TENM2: variants seen among roughly 807,000 people sequenced by gnomAD.
The protein encoded by TENM2 is teneurin transmembrane protein 2.
Under a neutral mutation model 245.2 loss-of-function variants are expected in TENM2, and 52 were observed. That is an observed-to-expected ratio of 0.21 (90% confidence interval 0.17 to 0.27). The LOEUF (loss-of-function observed/expected upper bound fraction) is 0.27, where lower values mean the gene tolerates loss of function less well. Among genes scored for constraint, TENM2 ranks in the 10% least tolerant of loss-of-function variants. The probability of loss-of-function intolerance (pLI) is 1.00; values close to 1 mark genes in which losing one functional copy is unlikely to be tolerated. For synonymous variants in TENM2, 1,363 were observed against 1,438.9 expected, an observed-to-expected ratio of 0.95 and a Z score of 1.19; for missense variants, 3,046 against 3,666.8, an observed-to-expected ratio of 0.83 and a Z score of 4.37.
intron 1 of TENM2, among the ~76,000 whole-genome samples, chr5:167,346,278 A>G (rs1318787437): frequency 6.6e-6 from 1 of 152,220 alleles, no homozygotes; most frequent in Non-Finnish European, 1.5e-5. Context: ...TCAACTTATC[A>G]ATTACAGGTA....
At chr5:167,596,816 AAAG>A (rs920029760) in intron 2 of TENM2, among the ~76,000 whole-genome samples, 31 of 151,748 alleles carry the variant, frequency 2.0e-4, no homozygotes, top group African/African-American at 7.3e-4. Flanking sequence ...AAAAAGAAGA[AAAG>A]AAAAAAATGC....
At chr5:167,428,673 A>G (rs1330702723) in intron 2 of TENM2, among the ~76,000 whole-genome samples, 1 of 152,196 alleles carries the variant, frequency 6.6e-6, no homozygotes, top group Non-Finnish European at 1.5e-5. Flanking sequence ...ATTTGATCTT[A>G]TCTTAAAATT....
chr5:167,211,082 C>T, the TENM2 span, among the ~76,000 whole-genome samples: 29 of 152,118 alleles, frequency 1.9e-4, no homozygotes, highest in African/African-American at 6.8e-4. Flanking sequence ...CTTGGAAAAA[C>T]TTTAAGATCT....
intron 3 of TENM2, among the ~76,000 whole-genome samples, chr5:167,893,908 C>T (rs1046876279): frequency 6.6e-6 from 1 of 152,076 alleles, no homozygotes; most frequent in South Asian, 2.1e-4. Context: ...CTCTTGAATA[C>T]GGTAAAATCA....
At chr5:167,391,418 G>C (rs561196152) in intron 2 of TENM2, among the ~76,000 whole-genome samples, 44 of 152,144 alleles carry the variant, frequency 2.9e-4, no homozygotes, top group African/African-American at 1.0e-3. Flanking sequence ...TTGAGGTCAA[G>C]AGTTTAAGAC....
At chr5:167,735,888 C>T (rs963007741) in intron 2 of TENM2, among the ~76,000 whole-genome samples, 2 of 152,138 alleles carry the variant, frequency 1.3e-5, no homozygotes, top group African/African-American at 2.4e-5. Flanking sequence ...TCACTGTACA[C>T]CCAACTAAGT....
chr5:167,963,368 G>T (rs1781155718), intron 4 of TENM2, among the ~76,000 whole-genome samples: 1 of 152,170 alleles, frequency 6.6e-6, no homozygotes, highest in Non-Finnish European at 1.5e-5. Flanking sequence ...AGCCATGAGA[G>T]AGTATAGATA....
At chr5:167,868,368 ATAC>A (rs1360093386) in intron 2 of TENM2, among the ~76,000 whole-genome samples, 10 of 152,186 alleles carry the variant, frequency 6.6e-5, no homozygotes, top group Admixed American at 1.3e-4. Context: ...CTTTATATAA[ATAC>A]ATAATATGAT....
At chr5:168,031,324 A>ATTATT (rs1388121855) in intron 5 of TENM2, among the ~76,000 whole-genome samples, 3 of 152,170 alleles carry the variant, frequency 2.0e-5, no homozygotes, top group Non-Finnish European at 4.4e-5. Context: ...CATAATTTCT[A>ATTATT]TTATTTTAAT....
intron 19 of TENM2, among the ~76,000 whole-genome samples, chr5:168,205,690 G>A (rs1202347706): frequency 1.3e-5 from 2 of 152,188 alleles, no homozygotes; most frequent in Admixed American, 6.5e-5. Flanking sequence ...GAAGCCCAAT[G>A]TGGCAGGAGG....
At chr5:167,006,979 A>T in the TENM2 span, among the ~76,000 whole-genome samples, 2 of 152,134 alleles carry the variant, frequency 1.3e-5, no homozygotes, top group Non-Finnish European at 2.9e-5. Context: ...CCCACATTCC[A>T]TCTTTTAGCC....
chr5:167,385,151 C>T (rs1457067038), intron 2 of TENM2, among the ~76,000 whole-genome samples: 1 of 152,116 alleles, frequency 6.6e-6, no homozygotes, highest in African/African-American at 2.4e-5. Context: ...TTTAAGGGCA[C>T]AGTAAGTGTG....
chr5:167,589,689 A>G (rs1414724934), intron 2 of TENM2, among the ~76,000 whole-genome samples: 1 of 152,092 alleles, frequency 6.6e-6, no homozygotes, highest in East Asian at 1.9e-4. Flanking sequence ...TTTTTAACCC[A>G]CTTAAACAGG....
At chr5:167,463,182 A>G (rs979370947) in intron 2 of TENM2, among the ~76,000 whole-genome samples, 2 of 152,212 alleles carry the variant, frequency 1.3e-5, no homozygotes, top group African/African-American at 2.4e-5. Context: ...CAAAACAGTG[A>G]ACAATAATTC....
At chr5:167,148,948 AAGTT>A in the TENM2 span, among the ~76,000 whole-genome samples, 1 of 152,194 alleles carries the variant, frequency 6.6e-6, no homozygotes, top group African/African-American at 2.4e-5. Context: ...GACAAATACT[AAGTT>A]AGTCAGTTAA....
At chr5:167,222,194 A>G in the TENM2 span, among the ~76,000 whole-genome samples, 2 of 152,340 alleles carry the variant, frequency 1.3e-5, no homozygotes, top group South Asian at 4.1e-4. Context: ...TGATAAAAAG[A>G]TCAGGATGAT....
At chr5:167,507,536 C>A (rs1236292561) in intron 2 of TENM2, among the ~76,000 whole-genome samples, 1 of 152,154 alleles carries the variant, frequency 6.6e-6, no homozygotes, top group African/African-American at 2.4e-5. Flanking sequence ...GTCACCACCA[C>A]ACACCTTCAA....
intron 7 of TENM2, among the ~76,000 whole-genome samples, chr5:168,068,442 A>G (rs979909858): frequency 2.0e-5 from 3 of 152,206 alleles, no homozygotes; most frequent in Admixed American, 2.0e-4. Flanking sequence ...TGTATATAAA[A>G]AGACGAAAGT....
intron 2 of TENM2, among the ~76,000 whole-genome samples, chr5:167,823,322 C>T (rs1304329835): frequency 6.6e-6 from 1 of 152,090 alleles, no homozygotes; most frequent in African/African-American, 2.4e-5. Flanking sequence ...AAGGTAATTA[C>T]CGATCCATAA....
Sources: allele counts gnomAD v4.1 joint callset (sites outside exome capture counted in the v4.1 genomes callset), GRCh38; gene constraint gnomAD v4.1.1; transcripts MANE v1.5; gene names NCBI Gene and HGNC (gene_info 2026-07-23, HGNC 2026-07-21).